The following NT5M variants were observed in gnomAD, a reference collection of about 807,000 sequenced individuals.
NT5M encodes the protein 5',3'-nucleotidase, mitochondrial.
NT5M carries 22 observed loss-of-function variants against 22.2 expected under a neutral mutation model. The ratio of observed to expected loss-of-function variants is 0.99; its 90% CI spans 0.71 to 1.41. NT5M has a LOEUF of 1.41. NT5M is among the 40% of genes most tolerant of loss of function. The pLI is 0.00. For synonymous variants in NT5M, 167 were observed against 133.0 expected, an observed-to-expected ratio of 1.26 and a Z score of -1.76; for missense variants, 322 against 314.8, an observed-to-expected ratio of 1.02 and a Z score of -0.17.
At chr17:17,324,097 A>C (rs2049214195) in intron 3 of NT5M, among the ~76,000 whole-genome samples, 1 of 150,396 alleles carries the variant, frequency 6.6e-6, no homozygotes, top group Non-Finnish European at 1.5e-5. Flanking sequence ...CTGGTCTCGA[A>C]CTCCTGAGCT....
chr17:17,304,365 G>T, intron 1 of NT5M: 1 of 984,104 alleles, frequency 1.0e-6, no homozygotes, highest in Non-Finnish European at 1.2e-6. Context: ...CCCTTGCAGA[G>T]CTGGCCTTGC....
chr17:17,315,461 CAG>C (rs1270969648), intron 2 of NT5M, among the ~76,000 whole-genome samples: 4 of 152,248 alleles, frequency 2.6e-5, no homozygotes, highest in African/African-American at 9.6e-5. Context: ...GCAGAGGAAA[CAG>C]GGAAGGGGCT....
At chr17:17,311,338 C>A (rs865997638) in intron 2 of NT5M, among the ~76,000 whole-genome samples, 88 of 142,910 alleles carry the variant, frequency 6.2e-4, no homozygotes, top group South Asian at 9.0e-4. Flanking sequence ...GACTCTGTCT[C>A]AAAAAAAAAA....
chr17:17,310,473 T>G (rs188996313), intron 2 of NT5M, among the ~76,000 whole-genome samples: 1 of 152,140 alleles, frequency 6.6e-6, no homozygotes, highest in East Asian at 1.9e-4. Context: ...ACAAACCAAT[T>G]GAAAACCTCA....
At chr17:17,335,431 G>C (rs1190260665) in intron 3 of NT5M, among the ~76,000 whole-genome samples, 1 of 150,460 alleles carries the variant, frequency 6.6e-6, no homozygotes, top group East Asian at 2.0e-4. Flanking sequence ...CTAATTTTTG[G>C]AATACAAGTG....
chr17:17,305,545 A>G (rs2048781133), intron 1 of NT5M, among the ~76,000 whole-genome samples: 1 of 152,032 alleles, frequency 6.6e-6, no homozygotes, highest in Non-Finnish European at 1.5e-5. Flanking sequence ...ATAAGCACGC[A>G]TTTGCCTAGT....
At chr17:17,341,732 A>C (rs533511980) in intron 3 of NT5M, among the ~76,000 whole-genome samples, 2 of 152,186 alleles carry the variant, frequency 1.3e-5, no homozygotes, top group Admixed American at 1.3e-4. Flanking sequence ...CTCTTACCAT[A>C]TATAAAATTT....
chr17:17,336,880 T>G (rs531750578), intron 3 of NT5M, among the ~76,000 whole-genome samples: 28 of 152,334 alleles, frequency 1.8e-4, no homozygotes, highest in African/African-American at 6.5e-4. Context: ...CCACATTTTT[T>G]AAATCCAGTC....
intron 3 of NT5M, among the ~76,000 whole-genome samples, chr17:17,340,728 T>C (rs2049624199): frequency 6.6e-6 from 1 of 152,050 alleles, no homozygotes. Context: ...GGTTTCACCA[T>C]GTTGGCCAGG....
At position 17,347,604 on chromosome 17, in the gene NT5M, G is replaced by T. The variant is rs140477937; in HGVS notation, c.*657G>T. On this transcript the variant is annotated 3_prime_UTR_variant, in exon 5 of 5. Transcript: ENST00000389022. ...CCGCTCAGGGCCCAGCAGAGAGTCC[G>T]TAGGCTTGAACATGTGTTGAGTGCA... The T allele has an allele frequency of 2.0e-5, 3 of 152,776 alleles. No homozygotes were observed. The highest frequency in any genetic ancestry group is 2.0e-4 in the Admixed American group (3 of 15,326). 9.5% of individuals were successfully genotyped at this position (152,776 alleles called of 1,614,324 possible).
chr17:17,345,848 G>A (rs969890780), intron 4 of NT5M, among the ~76,000 whole-genome samples: 22 of 152,026 alleles, frequency 1.4e-4, no homozygotes, highest in African/African-American at 5.1e-4. Context: ...CACAGGAGAG[G>A]GGAAGTTTTT....
Position 17,332,075 on chromosome 17 carries a change from C to T in NT5M, c.429+8830C>T, listed in dbSNP as rs377551321. 2.5e-3 allele frequency among the ~76,000 whole-genome samples: 379 copies of T among 152,096 alleles called. 2 individuals are homozygous for T. The highest frequency in any genetic ancestry group is 8.5e-3 in the African/African-American group (351 of 41,422). ...GATTACAGGTGTGAGCCACCGCATC[C>T]GGCCTATGGTATTATTTTTCTAGCA... On this transcript the variant is annotated intron_variant, in intron 3 of 4. Transcript: ENST00000389022.
chr17:17,335,397 A>G (rs1363392533), intron 3 of NT5M, among the ~76,000 whole-genome samples: 3 of 151,924 alleles, frequency 2.0e-5, no homozygotes, highest in Non-Finnish European at 4.4e-5. Context: ...AGCTGGGACT[A>G]TAGGCGCCCG....
intron 1 of NT5M, chr17:17,304,043 C>T: frequency 8.5e-7 from 1 of 1,180,030 alleles, no homozygotes; most frequent in East Asian, 3.2e-5. Flanking sequence ...CGGGAGAGTA[C>T]AAAGTGTTAA....
At chr17:17,323,310 C>A in intron 3 of NT5M, 65 bp downstream of exon 3, 1 of 1,341,534 alleles carries the variant, frequency 7.5e-7, no homozygotes, top group Non-Finnish European at 1.1e-6. Context: ...GTACGGGGCT[C>A]AGCCTGCCTG....
In NT5M at chr17:17,347,267, C is replaced by G. The variant is rs1233305057; in HGVS notation, c.*320C>G. On this transcript the variant is annotated 3_prime_UTR_variant, in exon 5 of 5. Transcript: ENST00000389022. Reference sequence around the variant, plus strand: ...AGGCCACTGTTCAGGGGGCTGGTGGCCGTCTCCACTCCCTAGGCAAGTTCT... The same window carrying G: ...AGGCCACTGTTCAGGGGGCTGGTGGGCGTCTCCACTCCCTAGGCAAGTTCT... 9.5e-6 allele frequency: 3 copies of G among 316,366 alleles called. No individual in the cohort carries two copies. The Admixed American group carries it at 1.4e-4, about 15-fold the overall frequency. 19.6% of individuals were successfully genotyped at this position (316,366 alleles called of 1,614,324 possible).
chr17:17,303,484 C>T lies in NT5M; in HGVS notation c.-67C>T, dbSNP rs983597701. On this transcript the variant is annotated 5_prime_UTR_variant, in exon 1 of 5. Transcript: ENST00000389022. The stretch of plus-strand genomic sequence containing the variant: ...GGCTTCTCCTCCGCGGCGGGAATGT[C>T]TGGCCGGCTCCGGCAGCACGGCGCG... 6 of 1,017,346 alleles carry T rather than the reference C, an allele frequency of 5.9e-6. No homozygotes were observed. Among genetic ancestry groups the T allele is most frequent in the Non-Finnish European group, 7.0e-6 (6 of 852,138 alleles). The allele number at this position is 1,017,346 out of a possible 1,614,324, so 63.0% of individuals were successfully genotyped here. A position where few individuals can be genotyped will look rare whatever the true frequency, so the allele number is the denominator to read the frequency against.
chr17:17,334,633 A>G (rs2049460943), intron 3 of NT5M, among the ~76,000 whole-genome samples: 1 of 151,088 alleles, frequency 6.6e-6, no homozygotes, highest in African/African-American at 2.4e-5. Flanking sequence ...GCGCCACCAC[A>G]CCCAGCTAAT....
intron 2 of NT5M, among the ~76,000 whole-genome samples, chr17:17,312,548 G>A (rs1272528453): frequency 6.6e-6 from 1 of 151,292 alleles, no homozygotes; most frequent in African/African-American, 2.4e-5. Context: ...GGAGGCTGAG[G>A]CAGGAGAATT....
Sources: allele counts gnomAD v4.1 joint callset (sites outside exome capture counted in the v4.1 genomes callset), GRCh38; gene constraint gnomAD v4.1.1; transcripts MANE v1.5; gene names NCBI Gene and HGNC (gene_info 2026-07-23, HGNC 2026-07-21).